Variants in FOXJ3 observed in about 807,000 individuals in gnomAD.
FOXJ3 encodes the protein forkhead box protein J3.
In FOXJ3, 22 loss-of-function variants were observed where a neutral mutation model predicts 76.1. The ratio of observed to expected loss-of-function variants is 0.29; its 90% CI spans 0.21 to 0.41. FOXJ3 has a LOEUF of 0.41. Among genes scored for constraint, FOXJ3 ranks in the 10% least tolerant of loss-of-function variants. FOXJ3 has a pLI of 1.00. For missense variants in FOXJ3, 613 were observed against 762.1 expected (o/e 0.80, Z 2.30); for synonymous variants, 269 against 261.2 (o/e 1.03, Z -0.29).
At chr1:42,211,679 T>C (rs996959475) in intron 5 of FOXJ3, among the ~76,000 whole-genome samples, 5 of 152,160 alleles carry the variant, frequency 3.3e-5, no homozygotes, top group African/African-American at 1.2e-4. Context: ...CAAGATAAGC[T>C]TCAAGAGACC....
At chr1:42,252,916 C>T (rs1650220833) in intron 4 of FOXJ3, among the ~76,000 whole-genome samples, 2 of 149,684 alleles carry the variant, frequency 1.3e-5, no homozygotes, top group African/African-American at 2.5e-5. Context: ...ACAGGGATGC[C>T]CTCTCTCACC....
chr1:42,284,156 C>A (rs1402795970), intron 2 of FOXJ3, among the ~76,000 whole-genome samples: 3 of 152,050 alleles, frequency 2.0e-5, no homozygotes, highest in Non-Finnish European at 2.9e-5. Flanking sequence ...GAATGTAGTT[C>A]CTAACATAGA....
At chr1:42,294,762 CAAAAA>C (rs5773766) in intron 2 of FOXJ3, among the ~76,000 whole-genome samples, 1 of 105,684 alleles carries the variant, frequency 9.5e-6, no homozygotes, top group Non-Finnish European at 1.8e-5. Context: ...AACTTGGTCT[CAAAAA>C]AAAAAAAAAA....
intron 2 of FOXJ3, among the ~76,000 whole-genome samples, chr1:42,310,775 C>T (rs988192966): frequency 6.6e-6 from 1 of 151,954 alleles, no homozygotes; most frequent in Non-Finnish European, 1.5e-5. Context: ...AAAAGAAACA[C>T]AAAAAAGTGT....
chr1:42,217,572 C>T (rs889977719), intron 5 of FOXJ3, among the ~76,000 whole-genome samples: 3 of 151,964 alleles, frequency 2.0e-5, no homozygotes, highest in Non-Finnish European at 2.9e-5. Flanking sequence ...CAAAATACTC[C>T]GGATTAAATC....
At chr1:42,298,470 A>G (rs563829971) in intron 2 of FOXJ3, among the ~76,000 whole-genome samples, 2 of 152,326 alleles carry the variant, frequency 1.3e-5, no homozygotes, top group African/African-American at 4.8e-5. Context: ...AAATGTTCAC[A>G]GCAGTCTCTG....
At chr1:42,326,380 T>C (rs761642866) in intron 1 of FOXJ3, among the ~76,000 whole-genome samples, 21 of 152,240 alleles carry the variant, frequency 1.4e-4, no homozygotes, top group Admixed American at 3.9e-4. Context: ...TATATACAGG[T>C]TCAAAGAAGA....
chr1:42,300,601 C>A lies in FOXJ3; in HGVS notation c.44+10449G>T, dbSNP rs80212941. On this transcript the variant is annotated intron_variant, in intron 2 of 12. Transcript: ENST00000361346. ...GACCAGTTTGAGCAACACAGCAAAA[C>A]CTTGTCTCTACAAAAAACACAAGAA... Among the ~76,000 whole-genome samples, 1,290 of 152,134 alleles carry A rather than the reference C, an allele frequency of 8.5e-3. 7 individuals are homozygous for A. The highest frequency in any genetic ancestry group is 0.017 in the Middle Eastern group (5 of 294).
chr1:42,207,494 T>C (rs936345548), intron 5 of FOXJ3, among the ~76,000 whole-genome samples: 6 of 152,212 alleles, frequency 3.9e-5, no homozygotes, highest in South Asian at 2.1e-4. Flanking sequence ...TATTGCTTTA[T>C]TGAGCCTTCA....
chr1:42,285,072 T>C (rs888162676), intron 2 of FOXJ3, among the ~76,000 whole-genome samples: 4 of 152,236 alleles, frequency 2.6e-5, no homozygotes, highest in South Asian at 2.1e-4. Flanking sequence ...TATAATTAAC[T>C]GGTTTATTTT....
In FOXJ3 at chr1:42,195,169, G is replaced by A; in HGVS notation, c.760-105C>T. ...AACAGTGTCAACATTGGAATTCAAA[G>A]AAAATAACTCTTCTGTCTTAGGCTT... is the stretch of plus-strand genomic sequence containing the variant. On this transcript the variant is annotated intron_variant, in intron 7 of 12. Coordinates refer to ENST00000361346, the MANE Select transcript of FOXJ3 (RefSeq NM_014947.5). The A allele has an allele frequency of 4.8e-6, 4 of 825,826 alleles. No individual in the cohort carries two copies. In the South Asian group the frequency reaches 6.8e-5, roughly 14 times the overall value. The allele number at this position is 825,826 out of a possible 1,614,324, so 51.2% of individuals were successfully genotyped here.
At chr1:42,232,208 T>C (rs1279854303) in intron 4 of FOXJ3, among the ~76,000 whole-genome samples, 7 of 150,960 alleles carry the variant, frequency 4.6e-5, no homozygotes, top group South Asian at 2.1e-4. Context: ...TGTTGGACAT[T>C]TGGGTTGGTT....
At chr1:42,327,977 T>C (rs1455989318) in intron 1 of FOXJ3, among the ~76,000 whole-genome samples, 1 of 152,132 alleles carries the variant, frequency 6.6e-6, no homozygotes, top group Admixed American at 6.5e-5. Context: ...ATAGATATCA[T>C]GCAGTTTCTG....
chr1:42,297,538 T>C (rs573797484), intron 2 of FOXJ3, among the ~76,000 whole-genome samples: 4 of 152,358 alleles, frequency 2.6e-5, no homozygotes, highest in African/African-American at 9.6e-5. Flanking sequence ...TTTTGGGGTT[T>C]GGTTCTATTT....
At chr1:42,214,240 T>A (rs957772681) in intron 5 of FOXJ3, among the ~76,000 whole-genome samples, 16 of 152,322 alleles carry the variant, frequency 1.1e-4, no homozygotes, top group Admixed American at 3.9e-4. Context: ...GTAAAGGCAC[T>A]CTCTTCACAT....
chr1:42,264,996 G>A, intron 4 of FOXJ3, 119 bp downstream of exon 4: 1 of 765,778 alleles, frequency 1.3e-6, no homozygotes, highest in Non-Finnish European at 2.4e-6. Context: ...TTAGAGCAGG[G>A]TGGGGGAGGA....
chr1:42,308,915 GT>G (rs907464393), intron 2 of FOXJ3, among the ~76,000 whole-genome samples: 4 of 140,510 alleles, frequency 2.8e-5, no homozygotes, highest in Non-Finnish European at 6.0e-5. Context: ...ATATATGAGT[GT>G]TTCAGCATTT....
intron 3 of FOXJ3, among the ~76,000 whole-genome samples, chr1:42,270,047 C>A (rs1651757531): frequency 6.6e-6 from 1 of 152,208 alleles, no homozygotes; most frequent in Admixed American, 6.5e-5. Flanking sequence ...CCCAAAGACT[C>A]TTCATGATCT....
intron 1 of FOXJ3, among the ~76,000 whole-genome samples, chr1:42,317,177 A>C (rs1655166484): frequency 6.6e-6 from 1 of 152,186 alleles, no homozygotes; most frequent in South Asian, 2.1e-4. Context: ...ACATTCATGA[A>C]GAAACAACCC....
Sources: allele counts gnomAD v4.1 joint callset (sites outside exome capture counted in the v4.1 genomes callset), GRCh38; gene constraint gnomAD v4.1.1; transcripts MANE v1.5; gene names NCBI Gene and HGNC (gene_info 2026-07-23, HGNC 2026-07-21).